The following CPNE7 variants were observed in gnomAD, a reference collection of about 807,000 sequenced individuals.
CPNE7 encodes copine 7.
Under a neutral mutation model 66.5 loss-of-function variants are expected in CPNE7, and 78 were observed. The observed-to-expected ratio is 1.17, with a 90% CI of 0.98 to 1.42. CPNE7 has a LOEUF of 1.42. CPNE7 is among the 40% of genes most tolerant of loss of function. CPNE7 has a pLI of 0.00. For synonymous variants in CPNE7, 468 were observed against 336.7 expected (o/e 1.39, Z -4.27); for missense variants, 1,012 against 776.6 (o/e 1.30, Z -3.60).
At chr16:89,594,009 C>A (rs912858454) in intron 13 of CPNE7, 1 of 152,248 alleles carries the variant, frequency 6.6e-6, no homozygotes, top group African/African-American at 2.4e-5. Context: ...TGGCATTGCA[C>A]ATCCGTCTGG....
At chr16:89,576,320 C>T (rs2058858941) in intron 1 of CPNE7, among the ~76,000 whole-genome samples, 1 of 151,642 alleles carries the variant, frequency 6.6e-6, no homozygotes, top group Non-Finnish European at 1.5e-5. Flanking sequence ...GGGGGTGCCC[C>T]GCAGTGAGGG....
chr16:89,590,910 G>T, intron 11 of CPNE7, 97 bp from the exon 12 acceptor site: 1 of 1,339,912 alleles, frequency 7.5e-7, no homozygotes, highest in East Asian at 2.5e-5. Flanking sequence ...TGGGGGACAT[G>T]GGGGCTGGGG....
intron 2 of CPNE7, among the ~76,000 whole-genome samples, 165 bp downstream of exon 2, chr16:89,577,886 T>C (rs1192329668): frequency 3.3e-5 from 5 of 152,106 alleles, no homozygotes; most frequent in Admixed American, 1.3e-4. Context: ...AAAATATACA[T>C]GTAATTTTGA....
chr16:89,590,102 C>G, intron 11 of CPNE7, 151 bp downstream of exon 11: 1 of 888,506 alleles, frequency 1.1e-6, no homozygotes. Context: ...CCCCAGCCTT[C>G]TAGCCAGAGA....
intron 10 of CPNE7, among the ~76,000 whole-genome samples, 193 bp from the exon 11 acceptor site, chr16:89,589,704 G>C (rs1031398706): frequency 6.6e-6 from 1 of 152,168 alleles, no homozygotes; most frequent in Non-Finnish European, 1.5e-5. Flanking sequence ...GCAGGACCGT[G>C]TCCCCTTGCA....
intron 13 of CPNE7, 138 bp downstream of exon 13, chr16:89,591,398 G>A (rs949481480): frequency 1.8e-5 from 23 of 1,257,620 alleles, no homozygotes; most frequent in East Asian, 5.1e-5. Context: ...TCAGGAGGGC[G>A]GGGGCCCAGC....
At chr16:89,594,634 C>T (rs780190686) in intron 13 of CPNE7, among the ~76,000 whole-genome samples, 13 of 135,578 alleles carry the variant, frequency 9.6e-5, no homozygotes, top group Non-Finnish European at 1.7e-4. Context: ...TTTGAAGTTC[C>T]ATTCTGCCTT....
rs1241674035 is a variant in CPNE7, at chr16:89,584,476, T to C, written c.508-298T>C. Reference sequence around the variant, plus strand: ...GGCAGAACAGGGTCCAACCCCGCCATGTAGGGCGTCTCCCTGGAGGGGCTG... The same window carrying C: ...GGCAGAACAGGGTCCAACCCCGCCACGTAGGGCGTCTCCCTGGAGGGGCTG... On this transcript the variant is annotated intron_variant, in intron 4 of 14. Transcript: ENST00000319518. The surrounding 1 kb of genome is among the most constrained non-coding windows in gnomAD (Gnocchi z 6.0). Among the ~76,000 whole-genome samples, 2 of 151,958 alleles carry C rather than the reference T, an allele frequency of 1.3e-5. No individual in the cohort carries two copies. The highest frequency in any genetic ancestry group is 2.9e-5 in the Non-Finnish European group (2 of 67,976).
chr16:89,596,347 C>T (rs939482191), intron 14 of CPNE7, 137 bp from the exon 15 acceptor site: 5 of 1,218,584 alleles, frequency 4.1e-6, no homozygotes, highest in Non-Finnish European at 5.6e-6. Context: ...TTGCCCGGCA[C>T]CCAGGTGAGC....
At chr16:89,585,409 C>G (rs137959554) in intron 5 of CPNE7, 55 bp from the exon 6 acceptor site, 23,342 of 1,287,792 alleles carry the variant, frequency 0.018, 397 homozygotes, top group South Asian at 0.064. Context: ...CTCTATCCCC[C>G]CCAAGGATCC....
intron 9 of CPNE7, among the ~76,000 whole-genome samples, chr16:89,588,307 A>G (rs1017611558): frequency 6.6e-6 from 1 of 152,150 alleles, no homozygotes; most frequent in Non-Finnish European, 1.5e-5. Flanking sequence ...GCTTTGGGAG[A>G]AGCCAGCAAG....
At chr16:89,582,053 G>A (rs2058965764) in intron 2 of CPNE7, among the ~76,000 whole-genome samples, 2 of 152,232 alleles carry the variant, frequency 1.3e-5, no homozygotes, top group Admixed American at 6.5e-5. Context: ...GGACACCTGC[G>A]TGCAGATATG....
At chr16:89,577,515 G>A (rs1296190730) in intron 1 of CPNE7, 24 bp from the exon 2 acceptor site, 3 of 1,549,836 alleles carry the variant, frequency 1.9e-6, no homozygotes, top group South Asian at 1.2e-5. Flanking sequence ...CTGGAGTGGG[G>A]TCGGCTCACA....
At chr16:89,588,524 GGTCAGCCCCAAC>G in intron 9 of CPNE7, 139 bp from the exon 10 acceptor site, 1 of 863,898 alleles carries the variant, frequency 1.2e-6, no homozygotes, top group South Asian at 1.7e-5. Flanking sequence ...GTAGCAGGTG[GGTCAGCCCCAAC>G]AGCAGCCCCC....
In CPNE7 at chr16:89,584,913, C is replaced by T. The variant is rs75059901; in HGVS notation, c.591+56C>T. On this transcript the variant is annotated intron_variant, in intron 5 of 14. Transcript: ENST00000319518. This position sits in a 1 kb window ranked among gnomAD's most constrained non-coding sequence, Gnocchi z 6.0. ...GGGAAGGGGCTGTCCCCAGCCCTCACGCATCTCTGGCCACATGGGAGGAGC... is the reference window on the plus strand; with the variant it reads ...GGGAAGGGGCTGTCCCCAGCCCTCATGCATCTCTGGCCACATGGGAGGAGC... 3.0e-3 allele frequency: 4,527 copies of T among 1,485,410 alleles called. 101 individuals carry two copies. In the African/African-American group the frequency reaches 0.053, roughly 17 times the overall value. 92.0% of individuals were successfully genotyped at this position (1,485,410 alleles called of 1,614,324 possible).
intron 10 of CPNE7, 70 bp from the exon 11 acceptor site, chr16:89,589,827 C>T: frequency 4.5e-6 from 7 of 1,559,252 alleles, no homozygotes; most frequent in South Asian, 2.3e-5. Context: ...AGTCATGTCT[C>T]CCTAGAAGTG....
At chr16:89,590,861 G>T in intron 11 of CPNE7, 146 bp from the exon 12 acceptor site, 1 of 709,082 alleles carries the variant, frequency 1.4e-6, no homozygotes, top group Non-Finnish European at 2.3e-6. Flanking sequence ...TCTTTAGTAG[G>T]CGGGGGACAT....
At chr16:89,596,437 C>A (rs1470897216) in intron 14 of CPNE7, 47 bp from the exon 15 acceptor site, 5 of 1,566,086 alleles carry the variant, frequency 3.2e-6, no homozygotes, top group African/African-American at 1.4e-5. Flanking sequence ...GACGGATGAT[C>A]TCCATCTCGA....
At chr16:89,591,100 G>A (rs772537864) in intron 12 of CPNE7, 27 bp from the exon 13 acceptor site, 1 of 1,613,234 alleles carries the variant, frequency 6.2e-7, no homozygotes, top group Non-Finnish European at 8.5e-7. Flanking sequence ...GTGCAGGGGG[G>A]CCGGGCTCAC....
Sources: allele counts gnomAD v4.1 joint callset (sites outside exome capture counted in the v4.1 genomes callset), GRCh38; gene constraint gnomAD v4.1.1; non-coding constraint Gnocchi (gnomAD v3.1); transcripts MANE v1.5; gene names NCBI Gene and HGNC (gene_info 2026-07-23, HGNC 2026-07-21).